The following SYN3 variants were observed in gnomAD, a reference collection of about 807,000 sequenced individuals.
The protein encoded by SYN3 is synapsin-3.
In SYN3, 35 loss-of-function variants were observed where a neutral mutation model predicts 65.8. That is an observed-to-expected ratio of 0.53 (90% CI 0.41 to 0.70). SYN3 has a LOEUF of 0.70. SYN3 is among the 30% of genes least tolerant of loss of function. The pLI, the probability that SYN3 is intolerant of heterozygous loss-of-function variation, is 0.00. For synonymous variants in SYN3, 270 were observed against 292.9 expected, an observed-to-expected ratio of 0.92 and a Z score of 0.80; for missense variants, 680 against 749.0, an observed-to-expected ratio of 0.91 and a Z score of 1.08.
At chr22:32,839,806 T>C (rs531118316) in intron 6 of SYN3, among the ~76,000 whole-genome samples, 14 of 152,300 alleles carry the variant, frequency 9.2e-5, no homozygotes, top group Admixed American at 6.5e-4. Context: ...TTGTGTTCTT[T>C]TGGGTAATCT....
At chr22:32,861,441 T>G (rs1461921539) in intron 6 of SYN3, 1 of 152,204 alleles carries the variant, frequency 6.6e-6, no homozygotes, top group Non-Finnish European at 1.5e-5. Context: ...AGCCCAGACT[T>G]GATGTTTTGG....
chr22:33,011,405 T>G (rs2053347917), intron 1 of SYN3, among the ~76,000 whole-genome samples: 1 of 152,224 alleles, frequency 6.6e-6, no homozygotes, highest in Non-Finnish European at 1.5e-5. Flanking sequence ...AAACCAAACT[T>G]GCATTCCTGG....
chr22:32,722,133 T>C (rs1359593406), intron 6 of SYN3, among the ~76,000 whole-genome samples: 1 of 152,188 alleles, frequency 6.6e-6, no homozygotes, highest in Admixed American at 6.5e-5. Context: ...GCTTAGTCTT[T>C]GTCCATTTGG....
At chr22:32,649,284 A>G (rs1034893301) in intron 6 of SYN3, among the ~76,000 whole-genome samples, 3 of 152,230 alleles carry the variant, frequency 2.0e-5, no homozygotes, top group Admixed American at 2.0e-4. Flanking sequence ...CGCCAGGCCT[A>G]GAGCAGCCAA....
chr22:32,893,921 A>G (rs1461767206), intron 4 of SYN3, among the ~76,000 whole-genome samples: 1 of 152,102 alleles, frequency 6.6e-6, no homozygotes, highest in Non-Finnish European at 1.5e-5. Context: ...TTTTCCACCA[A>G]GCTGTGAGCT....
At chr22:32,569,590 AAATCT>A (rs773142258) in intron 7 of SYN3, among the ~76,000 whole-genome samples, 3 of 92,578 alleles carry the variant, frequency 3.2e-5, no homozygotes, top group South Asian at 7.1e-4. Context: ...TATATATATA[AAATCT>A]ATCTATTTCT....
At chr22:32,998,788 A>AC (rs1569393571) in intron 2 of SYN3, among the ~76,000 whole-genome samples, 2 of 140,672 alleles carry the variant, frequency 1.4e-5, no homozygotes, top group South Asian at 2.4e-4. Flanking sequence ...AAAAAAAAAA[A>AC]AAAAAAAAAA....
intron 6 of SYN3, among the ~76,000 whole-genome samples, chr22:32,642,119 G>A (rs1273166308): frequency 1.3e-5 from 2 of 151,846 alleles, no homozygotes; most frequent in Admixed American, 6.6e-5. Flanking sequence ...GGGAAACCCT[G>A]TCTCTACTAA....
chr22:32,753,835 C>T (rs1011895752), intron 6 of SYN3, among the ~76,000 whole-genome samples: 1 of 152,146 alleles, frequency 6.6e-6, no homozygotes, highest in African/African-American at 2.4e-5. Context: ...GCCCTCCAGG[C>T]CTTGTCCTAA....
intron 10 of SYN3, chr22:32,530,127 A>G (rs1030648266): frequency 2.6e-5 from 4 of 152,262 alleles, no homozygotes; most frequent in African/African-American, 9.7e-5. Flanking sequence ...GGGAGCCCCC[A>G]AGGTTAGGAA....
intron 6 of SYN3, among the ~76,000 whole-genome samples, chr22:32,817,690 C>T (rs1315728644): frequency 6.6e-6 from 1 of 152,174 alleles, no homozygotes; most frequent in Non-Finnish European, 1.5e-5. Context: ...TATAATCTTG[C>T]TTGGCTCAGT....
chr22:32,946,608 T>G (rs2051119674), intron 3 of SYN3, among the ~76,000 whole-genome samples: 1 of 152,060 alleles, frequency 6.6e-6, no homozygotes, highest in African/African-American at 2.4e-5. Context: ...AATTAATGGG[T>G]GCAGCACACC....
At chr22:32,856,534 T>C (rs1418941011) in intron 6 of SYN3, among the ~76,000 whole-genome samples, 1 of 152,222 alleles carries the variant, frequency 6.6e-6, no homozygotes, top group East Asian at 1.9e-4. Flanking sequence ...TCTTATTTTA[T>C]TGATACATAA....
chr22:32,559,536 G>A (rs1043100839), intron 7 of SYN3, among the ~76,000 whole-genome samples: 1 of 152,158 alleles, frequency 6.6e-6, no homozygotes, highest in Admixed American at 6.5e-5. Flanking sequence ...CTAATGGATA[G>A]AAAAAACCTT....
At chr22:32,877,193 C>T (rs555654878) in intron 4 of SYN3, among the ~76,000 whole-genome samples, 1 of 152,354 alleles carries the variant, frequency 6.6e-6, no homozygotes, top group Admixed American at 6.5e-5. Context: ...GCCCCCAGAT[C>T]AGATGGCTTC....
rs192149328 is a variant in SYN3 at position 33,043,011 on chromosome 22, A to G, written c.-163+15281T>C. Among the ~76,000 whole-genome samples, 88 of 152,348 alleles carry G rather than the reference A, an allele frequency of 5.8e-4. No homozygotes were observed. In the East Asian group the frequency reaches 0.016, roughly 27 times the overall value. Reference sequence around the variant, plus strand: ...GCCATATACCCTTTTGTTATTAACCAGACAAGAAGGAAGAAAAATAGAAAG... The same window carrying G: ...GCCATATACCCTTTTGTTATTAACCGGACAAGAAGGAAGAAAAATAGAAAG... On this transcript the variant is annotated intron_variant, in intron 1 of 13. Coordinates refer to ENST00000358763, the MANE Select transcript of SYN3 (RefSeq NM_003490.4).
intron 6 of SYN3, among the ~76,000 whole-genome samples, chr22:32,631,018 G>A (rs1217284195): frequency 1.3e-5 from 2 of 152,226 alleles, no homozygotes; most frequent in Non-Finnish European, 2.9e-5. Context: ...AGAGGGCCGG[G>A]TGTGGTGGCT....
Position 32,862,623 on chromosome 22 carries a change from G to A in SYN3, c.711+2292C>T, listed in dbSNP as rs578137750. On this transcript the variant is annotated intron_variant, in intron 6 of 13. Transcript: ENST00000358763. Reference sequence around the variant, plus strand: ...ATGTCACTAGAGTATTTTTATGAGAGACAAACATTATAAAAATCTGATGGC... The same window carrying A: ...ATGTCACTAGAGTATTTTTATGAGAAACAAACATTATAAAAATCTGATGGC... 1.8e-4 allele frequency: 27 copies of A among 152,268 alleles called. 1 individual carries two copies. Among genetic ancestry groups the A allele is most frequent in the African/African-American group, 6.5e-4 (27 of 41,566 alleles). 9.4% of individuals were successfully genotyped at this position (152,268 alleles called of 1,614,324 possible).
chr22:32,622,102 A>G (rs1223439331), intron 6 of SYN3, among the ~76,000 whole-genome samples: 1 of 152,076 alleles, frequency 6.6e-6, no homozygotes, highest in African/African-American at 2.4e-5. Flanking sequence ...GTTTGCTTAC[A>G]GTCCGCACAG....
Sources: allele counts gnomAD v4.1 joint callset (sites outside exome capture counted in the v4.1 genomes callset), GRCh38; gene constraint gnomAD v4.1.1; transcripts MANE v1.5; gene names NCBI Gene and HGNC (gene_info 2026-07-23, HGNC 2026-07-21).